Variants in ARL5A observed in about 807,000 individuals in gnomAD.
The protein encoded by ARL5A is ARF like GTPase 5A.
Under a neutral mutation model 25.9 loss-of-function variants are expected in ARL5A, and 18 were observed. The ratio of observed to expected loss-of-function variants is 0.69; its 90% CI spans 0.48 to 1.03. The LOEUF (loss-of-function observed/expected upper bound fraction) is 1.03, where lower values mean the gene tolerates loss of function less well. Among genes scored for constraint, ARL5A ranks in the 50% least tolerant of loss-of-function variants. ARL5A has a pLI of 0.00. For missense variants in ARL5A, 170 were observed against 211.9 expected (o/e 0.80, Z 1.23); for synonymous variants, 61 against 67.5 (o/e 0.90, Z 0.47).
At chr2:151,806,111 T>A (rs1464212859) in intron 5 of ARL5A, among the ~76,000 whole-genome samples, 3 of 152,174 alleles carry the variant, frequency 2.0e-5, no homozygotes, top group Non-Finnish European at 4.4e-5. Context: ...TTGAATGGCA[T>A]CCTCTCCATC....
intron 1 of ARL5A, among the ~76,000 whole-genome samples, chr2:151,819,429 A>G (rs934162122): frequency 4.6e-5 from 7 of 152,228 alleles, no homozygotes; most frequent in Non-Finnish European, 8.8e-5. Context: ...CATCTTGGTC[A>G]TAAGGTAAAA....
At chr2:151,810,675 G>A (rs996247875) in intron 4 of ARL5A, 23 of 302,404 alleles carry the variant, frequency 7.6e-5, no homozygotes, top group African/African-American at 1.1e-4. Flanking sequence ...AACAGATAAC[G>A]TTAAGTGACC....
intron 5 of ARL5A, among the ~76,000 whole-genome samples, chr2:151,803,632 C>G (rs1234916696): frequency 1.3e-5 from 2 of 152,134 alleles, no homozygotes; most frequent in African/African-American, 2.4e-5. Context: ...CTCAGCTTCC[C>G]CAGCAGCAGG....
At position 151,803,336 on chromosome 2, in the gene ARL5A, A is replaced by G. The variant is rs1187025398; in HGVS notation, c.492-12T>C. 1 of 1,607,792 alleles carries G rather than the reference A, an allele frequency of 6.2e-7. No individual in the cohort carries two copies. The highest frequency in any genetic ancestry group is 8.5e-7 in the Non-Finnish European group (1 of 1,174,606). On this transcript the variant is annotated splice_polypyrimidine_tract_variant and intron_variant, in intron 5 of 5. Coordinates refer to ENST00000295087, the MANE Select transcript of ARL5A (RefSeq NM_012097.4). ...GTCCTTGGCACAATCTATAAAGAAA[A>G]CAAAATCATTTGATTAAATTCTGAA...
intron 3 of ARL5A, 42 bp from the exon 4 acceptor site, chr2:151,812,482 G>A: frequency 7.6e-7 from 1 of 1,312,866 alleles, no homozygotes. Flanking sequence ...TATACAATTT[G>A]GTATCTGTAA....
Position 151,828,193 on chromosome 2 carries a change from C to CG in ARL5A, c.-18_-17insC, listed in dbSNP as rs779992957. The CG allele has an allele frequency of 8.1e-6, 13 of 1,600,516 alleles. No individual in the cohort carries two copies. The highest frequency in any genetic ancestry group is 1.7e-5 in the Admixed American group (1 of 59,016). On this transcript the variant is annotated 5_prime_UTR_variant, in exon 1 of 6. Coordinates refer to ENST00000295087, the MANE Select transcript of ARL5A (RefSeq NM_012097.4). ...AATTCCCATTCTCGGGCAGCGGACC[C>CG]CCCCCCTCCAGACACCCGGGCCGCC...
At chr2:151,807,011 T>C in intron 4 of ARL5A, 39 bp from the exon 5 acceptor site, 1 of 1,529,584 alleles carries the variant, frequency 6.5e-7, no homozygotes, top group Non-Finnish European at 8.8e-7. Context: ...CAATACATTT[T>C]CCACATATTT....
chr2:151,800,244 G>GACAACAAGAAATGTAAAGTAGTGACA lies in ARL5A; in HGVS notation c.*3031_*3032insTGTCACTACTTTACATTTCTTGTTGT, dbSNP rs10647555. The GACAACAAGAAATGTAAAGTAGTGACA allele has an allele frequency of 7.0e-6, 1 of 143,838 alleles. No individual in the cohort carries two copies. The highest frequency in any genetic ancestry group is 2.9e-5 in the African/African-American group (1 of 34,424). The allele number at this position is 143,838 out of a possible 1,614,324, so 8.9% of individuals were successfully genotyped here. On this transcript the variant is annotated 3_prime_UTR_variant, in exon 6 of 6. Coordinates refer to ENST00000295087, the MANE Select transcript of ARL5A (RefSeq NM_012097.4). ...CTGTACTGTATGTGGTTGCTGTAGT[G>GACAACAAGAAATGTAAAGTAGTGACA]ACAAGAAATGTAAAGTGCCTATACA...
intron 1 of ARL5A, among the ~76,000 whole-genome samples, chr2:151,819,692 T>C (rs2099832001): frequency 6.6e-6 from 1 of 151,682 alleles, no homozygotes; most frequent in Admixed American, 6.6e-5. Context: ...ATGTCCTAAT[T>C]CCAAACCTGG....
intron 1 of ARL5A, among the ~76,000 whole-genome samples, chr2:151,816,298 T>C (rs1458799239): frequency 1.3e-5 from 2 of 152,184 alleles, no homozygotes; most frequent in East Asian, 1.9e-4. Flanking sequence ...GCTGAGATGA[T>C]AGACAGACAA....
intron 1 of ARL5A, chr2:151,827,443 T>TA (rs1487173724): frequency 6.6e-6 from 1 of 152,248 alleles, no homozygotes. Flanking sequence ...TTAACATTTT[T>TA]AACCCAGCAA....
intron 1 of ARL5A, among the ~76,000 whole-genome samples, chr2:151,823,664 C>T (rs2099832662): frequency 1.3e-5 from 2 of 152,278 alleles, no homozygotes; most frequent in African/African-American, 4.8e-5. Context: ...ATGCAGATCT[C>T]GTTGGAGGGC....
intron 1 of ARL5A, among the ~76,000 whole-genome samples, chr2:151,820,481 G>A (rs911341800): frequency 6.6e-6 from 1 of 151,768 alleles, no homozygotes; most frequent in East Asian, 1.9e-4. Context: ...CCAACATGGC[G>A]AAACCCCGTC....
chr2:151,811,519 T>C (rs928169104), intron 4 of ARL5A, among the ~76,000 whole-genome samples: 2 of 151,970 alleles, frequency 1.3e-5, no homozygotes, highest in Non-Finnish European at 2.9e-5. Flanking sequence ...TACCGTAATA[T>C]TTTTCTATTT....
At chr2:151,815,248 A>G in intron 1 of ARL5A, 49 bp from the exon 2 acceptor site, 1 of 1,445,360 alleles carries the variant, frequency 6.9e-7, no homozygotes, top group South Asian at 1.2e-5. Context: ...AGGAAAAAAA[A>G]AGATTAATTA....
chr2:151,824,506 C>T (rs868340575), intron 1 of ARL5A, among the ~76,000 whole-genome samples: 3 of 134,580 alleles, frequency 2.2e-5, no homozygotes, highest in Non-Finnish European at 3.2e-5. Flanking sequence ...ATAATAATAA[C>T]AACAATAATA....
intron 1 of ARL5A, among the ~76,000 whole-genome samples, chr2:151,817,272 T>C (rs1246839951): frequency 2.0e-5 from 3 of 152,240 alleles, no homozygotes; most frequent in African/African-American, 7.2e-5. Context: ...GCACTTATCC[T>C]AATTATTTAC....
intron 5 of ARL5A, 139 bp downstream of exon 5, chr2:151,806,682 T>C (rs372358363): frequency 6.4e-6 from 5 of 782,410 alleles, no homozygotes; most frequent in Non-Finnish European, 9.6e-6. Flanking sequence ...TCTCTGATTA[T>C]AGACATGAAC....
intron 5 of ARL5A, among the ~76,000 whole-genome samples, chr2:151,803,895 TAG>T (rs1193871815): frequency 6.6e-6 from 1 of 152,128 alleles, no homozygotes; most frequent in Non-Finnish European, 1.5e-5. Flanking sequence ...GACATAAACA[TAG>T]ACTTACATAC....
Sources: gnomAD v4.1 joint callset for allele counts (sites outside exome capture counted in the v4.1 genomes callset) on GRCh38, gnomAD v4.1.1 for gene constraint, MANE v1.5 for transcripts, NCBI Gene and HGNC (gene_info 2026-07-23, HGNC 2026-07-21) for gene names.